Variants in UBE2D3 observed in about 807,000 individuals in gnomAD.
UBE2D3 encodes ubiquitin conjugating enzyme E2 D3.
A neutral mutation model predicts 22.8 loss-of-function variants in UBE2D3; 2 were observed. The observed-to-expected ratio is 0.09, with a 90% CI of 0.04 to 0.28. The LOEUF is 0.28. Ranked by LOEUF, UBE2D3 falls within the 10% of genes least tolerant of loss-of-function variation. The probability of loss-of-function intolerance (pLI) is 1.00; values close to 1 mark genes in which losing one functional copy is unlikely to be tolerated. For synonymous variants in UBE2D3, 56 were observed against 60.4 expected, an observed-to-expected ratio of 0.93 and a Z score of 0.34; for missense variants, 27 against 182.5, an observed-to-expected ratio of 0.15 and a Z score of 4.91.
upstream of UBE2D3, chr4:102,827,819 C>T: frequency 2.0e-6 from 2 of 986,442 alleles, no homozygotes; most frequent in Non-Finnish European, 2.4e-6. Context: ...GAACGAGTGG[C>T]GGAAACCCTT....
At chr4:102,868,779 T>C in exon 1 of UBE2D3, 1 of 1,613,996 alleles carries the variant, frequency 6.2e-7, no homozygotes, top group South Asian at 1.1e-5. Flanking sequence ...ACAGTATCCT[T>C]TCTGCTGGTC....
chr4:102,797,605 G>A (rs1368530818), intron 7 of UBE2D3, 145 bp from the exon 8 acceptor site: 1 of 517,634 alleles, frequency 1.9e-6, no homozygotes, highest in Non-Finnish European at 3.2e-6. Flanking sequence ...GCCAACAAGG[G>A]AGAAATAGCA....
At chr4:102,821,740 G>T (rs925969897) in intron 2 of UBE2D3, among the ~76,000 whole-genome samples, 1 of 152,028 alleles carries the variant, frequency 6.6e-6, no homozygotes, top group African/African-American at 2.4e-5. Context: ...TTGCATACCT[G>T]TATCAAAATA....
At chr4:102,833,570 G>A (rs1215854779) in intron 1 of UBE2D3, among the ~76,000 whole-genome samples, 2 of 152,176 alleles carry the variant, frequency 1.3e-5, no homozygotes, top group East Asian at 3.8e-4. Flanking sequence ...AATTTAGTTT[G>A]ATGTAGATAG....
chr4:102,821,456 G>C (rs1031997944), intron 2 of UBE2D3, among the ~76,000 whole-genome samples: 7 of 152,124 alleles, frequency 4.6e-5, no homozygotes, highest in Non-Finnish European at 1.0e-4. Context: ...CCTGGGACTA[G>C]AATACTACGT....
At chr4:102,803,289 A>C (rs182401680) in intron 4 of UBE2D3, among the ~76,000 whole-genome samples, 4 of 152,326 alleles carry the variant, frequency 2.6e-5, no homozygotes, top group Admixed American at 2.0e-4. Context: ...ATACTGACCT[A>C]CTCAGGAATT....
At chr4:102,848,183 A>G (rs1732146067) in intron 1 of UBE2D3, among the ~76,000 whole-genome samples, 1 of 152,058 alleles carries the variant, frequency 6.6e-6, no homozygotes. Flanking sequence ...CACCTGCTTC[A>G]CTTGATTTCA....
At chr4:102,810,048 C>A in intron 2 of UBE2D3, 193 bp from the exon 3 acceptor site, 6 of 541,204 alleles carry the variant, frequency 1.1e-5, no homozygotes, top group South Asian at 3.2e-5. Context: ...AGCTAGAGTT[C>A]GTAAAAATAT....
chr4:102,815,921 C>T (rs1193183595), intron 2 of UBE2D3, among the ~76,000 whole-genome samples: 2 of 152,144 alleles, frequency 1.3e-5, no homozygotes, highest in African/African-American at 2.4e-5. Context: ...TAAATAGTAT[C>T]TAATATTACT....
At position 102,809,826 on chromosome 4, in the gene UBE2D3, T is replaced by A. The variant is rs756705797; in HGVS notation, c.54A>T (p.Pro18=). 2.0e-5 allele frequency: 32 copies of A among 1,613,934 alleles called. No individual in the cohort carries two copies. The highest frequency in any genetic ancestry group is 2.3e-5 in the Non-Finnish European group (27 of 1,180,004). The change falls in exon 3 of 8, where the codon CCA becomes CCT. Residue 18 remains proline (P), a synonymous_variant. Coordinates refer to ENST00000453744, the MANE Select transcript of UBE2D3 (RefSeq NM_181891.3). ...CAACTGGACCTGCAGAACATTGTGC[T>A]GGAGGGTCACGGGCCAAATCACTAA... ...KELSDLARDP[P]AQCSAGPVGD...
At chr4:102,832,190 A>T (rs1392570791), upstream of UBE2D3, among the ~76,000 whole-genome samples, 1 of 152,192 alleles carries the variant, frequency 6.6e-6, no homozygotes, top group Admixed American at 6.5e-5. Context: ...AAGTTGGAAA[A>T]AAATTGTGAG....
intron 2 of UBE2D3, among the ~76,000 whole-genome samples, chr4:102,820,852 T>C (rs570723758): frequency 3.1e-4 from 47 of 152,262 alleles, no homozygotes; most frequent in Non-Finnish European, 5.9e-4. Flanking sequence ...TGTAAGTATT[T>C]CATACTGAAA....
intron 2 of UBE2D3, among the ~76,000 whole-genome samples, chr4:102,824,588 T>A (rs1015851715): frequency 6.6e-6 from 1 of 152,226 alleles, no homozygotes; most frequent in African/African-American, 2.4e-5. Flanking sequence ...GCTCCAATGT[T>A]TACACTCTTA....
rs1012082542 is a variant in UBE2D3 at position 102,809,923 on chromosome 4, T to C, written c.25-68A>G. ...TAAGAAAACAAGCAAATGAGTCCACTGCTTTCAGTTACTTTCACCCTATTT... is the reference window on the plus strand; with the variant it reads ...TAAGAAAACAAGCAAATGAGTCCACCGCTTTCAGTTACTTTCACCCTATTT... On this transcript the variant is annotated intron_variant, in intron 2 of 7. Transcript: ENST00000453744. 3.4e-6 allele frequency: 5 copies of C among 1,474,618 alleles called. No homozygotes were observed. In the South Asian group the frequency reaches 3.5e-5, roughly 10 times the overall value. The allele number at this position is 1,474,618 out of a possible 1,614,324, so 91.3% of individuals were successfully genotyped here.
At chr4:102,820,223 T>C (rs1729380331) in intron 2 of UBE2D3, among the ~76,000 whole-genome samples, 1 of 152,228 alleles carries the variant, frequency 6.6e-6, no homozygotes, top group African/African-American at 2.4e-5. Context: ...TCTGGTTTAC[T>C]ATAAAGTTTT....
rs368928408 is a variant in UBE2D3 at position 102,797,387 on chromosome 4, T to C, written c.*28A>G. The C allele has an allele frequency of 2.5e-6, 4 of 1,576,128 alleles. No homozygotes were observed. Among genetic ancestry groups the C allele is most frequent in the Non-Finnish European group, 2.6e-6 (3 of 1,155,784 alleles). On this transcript the variant is annotated 3_prime_UTR_variant, in exon 8 of 8. Transcript: ENST00000453744. ...AATTTAAAGTTTATTCCAGCTATAA[T>C]GCAGGTTATTCTGACTTTAAGGTAG...
intron 2 of UBE2D3, 131 bp downstream of exon 2, chr4:102,826,354 C>T: frequency 8.6e-7 from 1 of 1,163,562 alleles, no homozygotes; most frequent in Non-Finnish European, 1.3e-6. Context: ...TCTGCGTTCT[C>T]CATCCCCCCA....
At chr4:102,802,341 G>C (rs973715032) in intron 5 of UBE2D3, 8 of 348,180 alleles carry the variant, frequency 2.3e-5, no homozygotes, top group Admixed American at 4.6e-5. Context: ...CACATGGTCT[G>C]AATCTTGCAA....
chr4:102,848,735 T>C (rs223360), intron 1 of UBE2D3, among the ~76,000 whole-genome samples: 88,514 of 151,866 alleles, frequency 0.58, 27,327 homozygotes, highest in African/African-American at 0.8. Context: ...AGGAGGATTG[T>C]TTGAGCCTAG....
Sources: gnomAD v4.1 joint callset for allele counts (sites outside exome capture counted in the v4.1 genomes callset) on GRCh38, gnomAD v4.1.1 for gene constraint, MANE v1.5 for transcripts, NCBI Gene and HGNC (gene_info 2026-07-23, HGNC 2026-07-21) for gene names.